The following AMPD3 variants were observed in gnomAD, a reference collection of about 807,000 sequenced individuals.
AMPD3 encodes AMP deaminase 3.
AMPD3 carries 57 observed loss-of-function variants against 82.3 expected under a neutral mutation model. The ratio of observed to expected loss-of-function variants is 0.69; its 90% CI spans 0.56 to 0.86. The LOEUF is 0.86. AMPD3 is among the 40% of genes least tolerant of loss of function. AMPD3 has a pLI of 0.00. For missense variants in AMPD3, 870 were observed against 1,003.8 expected (o/e 0.87, Z 1.80); for synonymous variants, 381 against 394.7 (o/e 0.97, Z 0.41).
chr11:10,454,999 C>A, upstream of AMPD3: 1 of 328,402 alleles, frequency 3.0e-6, no homozygotes, highest in Non-Finnish European at 4.4e-6. Context: ...CATGTGTCAA[C>A]CCTGTAATAC....
At chr11:10,487,110 C>T (rs561711334) in intron 5 of AMPD3, 125 bp from the exon 6 acceptor site, 68 of 1,571,564 alleles carry the variant, frequency 4.3e-5, no homozygotes, top group South Asian at 3.3e-5. Flanking sequence ...GCCAGAACCT[C>T]CTCATTCCGC....
intron 11 of AMPD3, 53 bp from the exon 12 acceptor site, chr11:10,501,417 G>C (rs1849576480): frequency 1.2e-6 from 2 of 1,604,552 alleles, no homozygotes; most frequent in Admixed American, 1.7e-5. Context: ...GCAGGCCCCA[G>C]GCAGAGCCAA....
At chr11:10,472,379 A>C (rs1032505056) in intron 2 of AMPD3, among the ~76,000 whole-genome samples, 8 of 152,142 alleles carry the variant, frequency 5.3e-5, no homozygotes, top group Admixed American at 1.3e-4. Flanking sequence ...CCACCATGGC[A>C]TGTGTATACC....
chr11:10,491,388 T>C (rs1268849919), intron 6 of AMPD3, among the ~76,000 whole-genome samples: 4 of 152,144 alleles, frequency 2.6e-5, no homozygotes, highest in South Asian at 4.1e-4. Context: ...GTTGGGGAGA[T>C]GGGTAGGATC....
At chr11:10,505,100 C>G (rs1849681126) in intron 14 of AMPD3, 1 of 984,692 alleles carries the variant, frequency 1.0e-6, no homozygotes, top group Non-Finnish European at 1.2e-6. Flanking sequence ...AATAGATGAA[C>G]AGTATCTAGA....
intron 10 of AMPD3, among the ~76,000 whole-genome samples, chr11:10,498,946 G>A (rs1016326321): frequency 5.3e-5 from 8 of 152,242 alleles, no homozygotes; most frequent in African/African-American, 1.9e-4. Flanking sequence ...TGACTCAGGA[G>A]CAGCCCCCCA....
Position 10,456,420 on chromosome 11 carries a change from T to C in AMPD3, c.-6+972T>C. 1 of 1,613,786 alleles carries C rather than the reference T, an allele frequency of 6.2e-7. No homozygotes were observed. Among genetic ancestry groups the C allele is most frequent in the Non-Finnish European group, 8.5e-7 (1 of 1,179,698 alleles). Reference sequence around the variant, plus strand: ...AGGCTCAGGTCTGTGTCGGGGCTTCTGCAAGGGGAGTCTGGCAAGAGTAGG... The same window carrying C: ...AGGCTCAGGTCTGTGTCGGGGCTTCCGCAAGGGGAGTCTGGCAAGAGTAGG... On this transcript the variant is annotated intron_variant, in intron 1 of 14. Coordinates refer to ENST00000396553, the MANE Select transcript of AMPD3 (RefSeq NM_001025389.2). The surrounding 1 kb of genome is among the most constrained non-coding windows in gnomAD (Gnocchi z 4.3).
intron 12 of AMPD3, chr11:10,502,349 A>G: frequency 1.0e-6 from 1 of 985,436 alleles, no homozygotes; most frequent in Non-Finnish European, 1.2e-6. Context: ...CAAAGCAATA[A>G]AACAGCTAGA....
intron 2 of AMPD3, among the ~76,000 whole-genome samples, chr11:10,472,542 T>C (rs1202896491): frequency 2.0e-5 from 3 of 152,104 alleles, no homozygotes; most frequent in Admixed American, 6.5e-5. Context: ...TTGAGTGAAA[T>C]TGAGAAACAT....
intron 2 of AMPD3, among the ~76,000 whole-genome samples, chr11:10,462,960 G>C (rs1848315467): frequency 6.6e-6 from 1 of 152,210 alleles, no homozygotes; most frequent in Non-Finnish European, 1.5e-5. Flanking sequence ...TGGAGGACTT[G>C]TGGGGCCCAG....
At chr11:10,497,454 A>G (rs1298454459) in intron 10 of AMPD3, 1 of 369,354 alleles carries the variant, frequency 2.7e-6, no homozygotes, top group Admixed American at 6.4e-5. Context: ...TTAACCAGGG[A>G]GGGAGGCGGA....
At position 10,461,204 on chromosome 11, in the gene AMPD3, G is replaced by A. The variant is rs116013027; in HGVS notation, c.-5-311G>A. 7.9e-4 allele frequency: 984 copies of A among 1,252,282 alleles called. 9 individuals carry two copies. In the African/African-American group the frequency reaches 0.014, roughly 18 times the overall value. 77.6% of individuals were successfully genotyped at this position (1,252,282 alleles called of 1,614,324 possible). The stretch of plus-strand genomic sequence containing the variant: ...TTCTCAAACATGGGAACAAAGTCAG[G>A]AGGGCAGGGCTGCCAGGTGCTGCAG... On this transcript the variant is annotated intron_variant, in intron 1 of 14. Transcript: ENST00000396553.
At chr11:10,472,383 G>C (rs1848620127) in intron 2 of AMPD3, among the ~76,000 whole-genome samples, 1 of 151,974 alleles carries the variant, frequency 6.6e-6, no homozygotes, top group South Asian at 2.1e-4. Flanking sequence ...CATGGCATGT[G>C]TATACCTATG....
intron 2 of AMPD3, among the ~76,000 whole-genome samples, chr11:10,473,933 G>A (rs116316503): frequency 5.9e-5 from 9 of 152,262 alleles, no homozygotes; most frequent in African/African-American, 9.6e-5. Flanking sequence ...TTATTTTAGC[G>A]TAACAATTCT....
intron 13 of AMPD3, among the ~76,000 whole-genome samples, chr11:10,503,380 G>T (rs1385646834): frequency 6.6e-6 from 1 of 152,210 alleles, no homozygotes; most frequent in Non-Finnish European, 1.5e-5. Flanking sequence ...GAAGCTAACA[G>T]TGGTGTCATG....
Position 10,497,179 on chromosome 11 carries a change from C to T in AMPD3, c.1557+241C>T, listed in dbSNP as rs191583511. Among the ~76,000 whole-genome samples, 7 of 152,240 alleles carry T rather than the reference C, an allele frequency of 4.6e-5. No homozygotes were observed. In the East Asian group the frequency reaches 1.4e-3, roughly 29 times the overall value. Reference sequence around the variant, plus strand: ...ATGGGGGTGGTGGTCTTGGGGTAGGCCTTTCCCCCAGCAGGGAAGGCAACA... The same window carrying T: ...ATGGGGGTGGTGGTCTTGGGGTAGGTCTTTCCCCCAGCAGGGAAGGCAACA... On this transcript the variant is annotated intron_variant, in intron 10 of 14. Transcript: ENST00000396553.
At chr11:10,472,616 C>T (rs1008224148) in intron 2 of AMPD3, among the ~76,000 whole-genome samples, 4 of 152,100 alleles carry the variant, frequency 2.6e-5, no homozygotes, top group African/African-American at 7.2e-5. Flanking sequence ...TTTTATGAAA[C>T]TTGTGAAAAT....
At chr11:10,481,606 T>C in intron 3 of AMPD3, 1 of 674,830 alleles carries the variant, frequency 1.5e-6, no homozygotes, top group South Asian at 6.6e-5. Context: ...CTTTGATTTA[T>C]TACAGTGAAA....
intron 2 of AMPD3, among the ~76,000 whole-genome samples, chr11:10,467,148 A>T (rs1296890721): frequency 2.0e-5 from 3 of 152,220 alleles, no homozygotes. Context: ...AAGGGAAAAA[A>T]ACTGGACAGA....
Sources: gnomAD v4.1 joint callset for allele counts (sites outside exome capture counted in the v4.1 genomes callset) on GRCh38, gnomAD v4.1.1 for gene constraint, Gnocchi (gnomAD v3.1) non-coding constraint, MANE v1.5 for transcripts, NCBI Gene and HGNC (gene_info 2026-07-23, HGNC 2026-07-21) for gene names.